The following ROR1 variants were observed in gnomAD, a reference collection of about 807,000 sequenced individuals.
ROR1 encodes the protein ROR family WNT receptor 1, also known as inactive tyrosine-protein kinase transmembrane receptor ROR1.
A neutral mutation model predicts 78.8 loss-of-function variants in ROR1; 19 were observed. That is an observed-to-expected ratio of 0.24 (90% CI 0.17 to 0.35). ROR1 has a LOEUF of 0.35. Ranked by LOEUF, ROR1 falls within the 10% of genes least tolerant of loss-of-function variation. ROR1 has a pLI of 1.00. For missense variants in ROR1, 917 were observed against 1,177.8 expected (o/e 0.78, Z 3.24); for synonymous variants, 386 against 433.6 (o/e 0.89, Z 1.36).
intron 1 of ROR1, among the ~76,000 whole-genome samples, chr1:63,983,779 C>G (rs1004557604): frequency 6.6e-6 from 1 of 152,106 alleles, no homozygotes; most frequent in Non-Finnish European, 1.5e-5. Flanking sequence ...ACCTAACAGG[C>G]ACAGATCTGA....
intron 4 of ROR1, among the ~76,000 whole-genome samples, chr1:64,124,888 T>C (rs1467192837): frequency 6.6e-6 from 1 of 152,206 alleles, no homozygotes; most frequent in African/African-American, 2.4e-5. Context: ...TGAATAACGA[T>C]GTAAGAAATC....
At chr1:64,168,985 T>C (rs914035216) in intron 8 of ROR1, among the ~76,000 whole-genome samples, 3 of 152,242 alleles carry the variant, frequency 2.0e-5, no homozygotes, top group Admixed American at 6.5e-5. Flanking sequence ...ATAGGAACTC[T>C]TGAGGTGGAG....
intron 1 of ROR1, among the ~76,000 whole-genome samples, chr1:63,912,231 A>C (rs1645576603): frequency 6.6e-6 from 1 of 151,648 alleles, no homozygotes; most frequent in African/African-American, 2.4e-5. Context: ...CCAGAAATTC[A>C]AGGCTGCAGC....
intron 1 of ROR1, among the ~76,000 whole-genome samples, chr1:63,814,196 G>A (rs1195901901): frequency 6.6e-6 from 1 of 152,038 alleles, no homozygotes; most frequent in Admixed American, 6.6e-5. Flanking sequence ...ACTCTCTCTG[G>A]GCACCTTCTG....
At chr1:64,046,756 A>T (rs1306810867) in intron 2 of ROR1, among the ~76,000 whole-genome samples, 2 of 152,170 alleles carry the variant, frequency 1.3e-5, no homozygotes, top group African/African-American at 4.8e-5. Context: ...AATGGGTCTC[A>T]TGGTACCAAA....
intron 4 of ROR1, among the ~76,000 whole-genome samples, chr1:64,051,302 T>C (rs1646826263): frequency 6.6e-6 from 1 of 151,374 alleles, no homozygotes; most frequent in Admixed American, 6.6e-5. Context: ...TACAAAAAAT[T>C]AGCCGTGCGT....
At position 64,178,038 on chromosome 1, in the gene ROR1, A is replaced by C; in HGVS notation, c.1997A>C (p.Tyr666Ser). ...TGGATGCCCCCTGAAGCCATCATGT[A>C]TGGCAAATTCTCTTCTGATTCAGAT... ...IRWMPPEAIM[Y>S]GKFSSDSDIW... is the part of the protein sequence containing the mutation. Residue 666 changes from tyrosine (Y) to serine (S), a missense_variant, in exon 9 of 9, where the codon TAT (tyrosine) becomes TCT (serine). Physicochemically the swap from Tyr to Ser is moderately radical, Grantham distance 144 (BLOSUM62 -2). Coordinates refer to ENST00000371079, the MANE Select transcript of ROR1 (RefSeq NM_005012.4). The surrounding 1 kb of genome is among the most constrained non-coding windows in gnomAD (Gnocchi z 4.3). 1 of 1,614,174 alleles carries C rather than the reference A, an allele frequency of 6.2e-7. No homozygotes were observed. Among genetic ancestry groups the C allele is most frequent in the Non-Finnish European group, 8.5e-7 (1 of 1,180,030 alleles).
intron 1 of ROR1, among the ~76,000 whole-genome samples, chr1:63,775,769 T>C (rs1644612979): frequency 6.6e-6 from 1 of 152,220 alleles, no homozygotes; most frequent in Non-Finnish European, 1.5e-5. Flanking sequence ...AGATGGTTTT[T>C]GGAAGCTAGA....
intron 1 of ROR1, among the ~76,000 whole-genome samples, chr1:63,835,381 G>A (rs1645013854): frequency 6.6e-6 from 1 of 152,226 alleles, no homozygotes; most frequent in Admixed American, 6.5e-5. Context: ...TTGCCAGCAT[G>A]TCTCCAGAGC....
At chr1:63,885,305 G>A (rs1217281045) in intron 1 of ROR1, among the ~76,000 whole-genome samples, 1 of 152,178 alleles carries the variant, frequency 6.6e-6, no homozygotes, top group Non-Finnish European at 1.5e-5. Context: ...AGATGGGAAT[G>A]GACGGGTACA....
rs139932959 is a variant in ROR1 at position 64,023,014 on chromosome 1, G to A, written c.163+13638G>A. On this transcript the variant is annotated intron_variant, in intron 2 of 8. Coordinates refer to ENST00000371079, the MANE Select transcript of ROR1 (RefSeq NM_005012.4). Reference sequence around the variant, plus strand: ...TGAGGTAATGGAAAACTCTAATAATGCGATCATCTATTGAAGACACGAGCT... The same window carrying A: ...TGAGGTAATGGAAAACTCTAATAATACGATCATCTATTGAAGACACGAGCT... Among the ~76,000 whole-genome samples the A allele has an allele frequency of 4.5e-3, 681 of 152,226 alleles. 3 individuals carry two copies. The highest frequency in any genetic ancestry group is 7.1e-3 in the Non-Finnish European group (483 of 68,022).
intron 8 of ROR1, among the ~76,000 whole-genome samples, chr1:64,163,050 C>T (rs913791197): frequency 6.6e-6 from 1 of 152,034 alleles, no homozygotes; most frequent in Non-Finnish European, 1.5e-5. Flanking sequence ...CCTCCTGGCT[C>T]CTCACCTGCC....
intron 1 of ROR1, among the ~76,000 whole-genome samples, chr1:63,821,068 C>T (rs1644920576): frequency 6.6e-6 from 1 of 152,134 alleles, no homozygotes; most frequent in Admixed American, 6.5e-5. Context: ...ACTTTGCATC[C>T]ACACAGCCCT....
chr1:64,073,379 G>C (rs1647023247), intron 4 of ROR1, among the ~76,000 whole-genome samples: 1 of 152,148 alleles, frequency 6.6e-6, no homozygotes, highest in Non-Finnish European at 1.5e-5. Context: ...GCAAGTGTAA[G>C]GCTTTGAAGG....
intron 1 of ROR1, among the ~76,000 whole-genome samples, chr1:63,984,673 G>C (rs778543115): frequency 1.3e-5 from 2 of 152,152 alleles, no homozygotes; most frequent in Non-Finnish European, 2.9e-5. Flanking sequence ...TTGATTTGGG[G>C]ATGCCTGGGA....
At chr1:64,130,982 G>C (rs1000318653) in intron 4 of ROR1, among the ~76,000 whole-genome samples, 1 of 152,148 alleles carries the variant, frequency 6.6e-6, no homozygotes, top group Non-Finnish European at 1.5e-5. Flanking sequence ...CGATTCACAA[G>C]TTTTAAAAAG....
chr1:64,174,305 G>A (rs1436848657), intron 8 of ROR1, among the ~76,000 whole-genome samples: 1 of 152,176 alleles, frequency 6.6e-6, no homozygotes, highest in African/African-American at 2.4e-5. Flanking sequence ...CTATGCCACA[G>A]GATCATGGTG....
intron 4 of ROR1, among the ~76,000 whole-genome samples, chr1:64,131,531 GC>G (rs1417105797): frequency 8.6e-6 from 1 of 116,160 alleles, no homozygotes; most frequent in Non-Finnish European, 1.8e-5. Context: ...CTCTACCTTG[GC>G]CCTTGTGTAA....
At chr1:63,840,348 C>T (rs1242150407) in intron 1 of ROR1, among the ~76,000 whole-genome samples, 8 of 149,494 alleles carry the variant, frequency 5.4e-5, no homozygotes, top group Admixed American at 3.3e-4. Flanking sequence ...GGTGCGATCT[C>T]GGCTCACTGC....
Sources: gnomAD v4.1 joint callset for allele counts (sites outside exome capture counted in the v4.1 genomes callset) on GRCh38, gnomAD v4.1.1 for gene constraint, Gnocchi (gnomAD v3.1) non-coding constraint, MANE v1.5 for transcripts, NCBI Gene and HGNC (gene_info 2026-07-23, HGNC 2026-07-21) for gene names.